Variants in ARG1 observed in about 807,000 individuals in gnomAD.
ARG1 encodes arginase-1.
In ARG1, 20 loss-of-function variants were observed where a neutral mutation model predicts 33.0. The ratio of observed to expected loss-of-function variants is 0.61; its 90% CI spans 0.43 to 0.88. ARG1 has a LOEUF of 0.88. Among genes scored for constraint, ARG1 ranks in the 40% least tolerant of loss-of-function variants. The pLI is 0.00. For synonymous variants in ARG1, 146 were observed against 140.6 expected, an observed-to-expected ratio of 1.04 and a Z score of -0.27; for missense variants, 374 against 384.7, an observed-to-expected ratio of 0.97 and a Z score of 0.23.
At chr6:131,580,367 A>G (rs1326745930) in intron 3 of ARG1, among the ~76,000 whole-genome samples, 1 of 152,216 alleles carries the variant, frequency 6.6e-6, no homozygotes, top group African/African-American at 2.4e-5. Context: ...TGAATAATCC[A>G]TACCTGAACG....
At chr6:131,576,963 A>G (rs1773643543) in intron 2 of ARG1, among the ~76,000 whole-genome samples, 2 of 152,084 alleles carry the variant, frequency 1.3e-5, no homozygotes, top group African/African-American at 4.8e-5. Flanking sequence ...CAGCCAAACT[A>G]CAGTATAAGA....
At position 131,581,244 on chromosome 6, in the gene ARG1, C is replaced by G. The variant is rs1320194930; in HGVS notation, c.331C>G (p.His111Asp). ...HSLAIGSISG[H>D]ARVHPDLGVI... ...TTTGGCAATTGGAAGCATCTCTGGCCATGCCAGGGTCCACCCTGATCTTGG... is the reference window on the plus strand; with the variant it reads ...TTTGGCAATTGGAAGCATCTCTGGCGATGCCAGGGTCCACCCTGATCTTGG... Residue 111 changes from histidine to aspartate, a missense_variant, in exon 4 of 8, where the codon CAT becomes GAT. Transcript: ENST00000368087. 6.2e-7 allele frequency: 1 copy of G among 1,613,852 alleles called. No homozygotes were observed.
In ARG1 at chr6:131,574,303, AC is replaced by A. The variant is rs1199944953; in HGVS notation, c.57+965del. 4 of 1,613,926 alleles carry A rather than the reference AC, an allele frequency of 2.5e-6. No individual in the cohort carries two copies. In the African/African-American group the frequency reaches 5.3e-5, roughly 22 times the overall value. Reference sequence around the variant, plus strand: ...GTGTACTCTGACTTTTTACTGCAAAACAAATTGAGAGAGGCCAGAGGTTAGA... The same window carrying A: ...GTGTACTCTGACTTTTTACTGCAAAAAAATTGAGAGAGGCCAGAGGTTAGA... On this transcript the variant is annotated intron_variant, in intron 1 of 7. Transcript: ENST00000368087.
intron 3 of ARG1, among the ~76,000 whole-genome samples, chr6:131,580,115 G>A (rs1006672424): frequency 6.6e-6 from 1 of 152,054 alleles, no homozygotes; most frequent in Non-Finnish European, 1.5e-5. Context: ...TTACTCCCAA[G>A]GCCTAGGATA....
rs764770439 is a variant in ARG1, at chr6:131,579,293, T to C, written c.305+8T>C. The C allele has an allele frequency of 1.9e-6, 3 of 1,613,820 alleles. No homozygotes were observed. Among genetic ancestry groups the C allele is most frequent in the Admixed American group, 1.7e-5 (1 of 59,996 alleles). On this transcript the variant is annotated splice_region_variant and intron_variant, in intron 3 of 7. Transcript: ENST00000368087. ...GCTGGGCGGAGACCACAGGTCTTGT[T>C]GAATAACTGTGTCTATGGGAATCTG... is the stretch of plus-strand genomic sequence containing the variant.
rs967511482 is a variant in ARG1, at chr6:131,584,015, A to C, written c.*107A>C. The C allele has an allele frequency of 9.1e-5, 119 of 1,312,974 alleles. 1 individual carries two copies. Among genetic ancestry groups the C allele is most frequent in the Admixed American group, 2.2e-5 (1 of 45,994 alleles). 81.3% of individuals were successfully genotyped at this position (1,312,974 alleles called of 1,614,324 possible). ...TCTAAAGACTTGTTCTTTCAGAAAAATGTTTTTCCAATTAGTATAAACTCT... is the reference window on the plus strand; with the variant it reads ...TCTAAAGACTTGTTCTTTCAGAAAACTGTTTTTCCAATTAGTATAAACTCT... On this transcript the variant is annotated 3_prime_UTR_variant, in exon 8 of 8. Transcript: ENST00000368087.
chr6:131,582,250 C>T (rs975408807), intron 4 of ARG1, among the ~76,000 whole-genome samples: 6 of 152,148 alleles, frequency 3.9e-5, no homozygotes, highest in Non-Finnish European at 8.8e-5. Context: ...AACCAAAGGA[C>T]AGGCCACAAA....
intron 1 of ARG1, among the ~76,000 whole-genome samples, chr6:131,574,854 C>G (rs1166506473): frequency 6.6e-6 from 1 of 152,094 alleles, no homozygotes; most frequent in Admixed American, 6.6e-5. Flanking sequence ...TAAAAAAAAG[C>G]CCAGAGAGGT....
rs1585430178 is a variant in ARG1, at chr6:131,583,817, T to C, written c.878T>C (p.Val293Ala). The C allele has an allele frequency of 6.2e-7, 1 of 1,614,126 alleles. No individual in the cohort carries two copies. The highest frequency in any genetic ancestry group is 1.7e-5 in the Admixed American group (1 of 60,026). ...ACACCAGAAGAAGTAACTCGAACAGTGAACACAGCAGTTGCAATAACCTTG... is the reference window on the plus strand; with the variant it reads ...ACACCAGAAGAAGTAACTCGAACAGCGAACACAGCAGTTGCAATAACCTTG... ...GKTPEEVTRTVNTAVAITLAC... is the reference protein window; with the variant it reads ...GKTPEEVTRTANTAVAITLAC... Residue 293 changes from valine (V) to alanine (A), a missense_variant, in exon 8 of 8, where the codon GTG becomes GCG. Val to Ala is a moderately conservative substitution (Grantham distance 64). Coordinates refer to ENST00000368087, the MANE Select transcript of ARG1 (RefSeq NM_000045.4).
intron 2 of ARG1, among the ~76,000 whole-genome samples, chr6:131,578,095 A>T (rs1585407645): frequency 6.6e-6 from 1 of 151,970 alleles, no homozygotes; most frequent in African/African-American, 2.4e-5. Context: ...AATTACCTCT[A>T]AAGGGGCAGG....
intron 3 of ARG1, 109 bp downstream of exon 3, chr6:131,579,394 T>G: frequency 7.7e-7 from 1 of 1,296,350 alleles, no homozygotes; most frequent in Middle Eastern, 2.6e-4. Flanking sequence ...GACCTATATT[T>G]TATATCAAAT....
In ARG1 at chr6:131,581,177, C is replaced by T. The variant is rs749859983; in HGVS notation, c.306-42C>T. 1.2e-5 allele frequency: 19 copies of T among 1,600,194 alleles called. No homozygotes were observed. In the African/African-American group the frequency reaches 1.7e-4, roughly 15 times the overall value. Reference sequence around the variant, plus strand: ...GTGAATAATATGATGTATGTAGTGACACTGCAAACCTGATGTTCACACAAA... The same window carrying T: ...GTGAATAATATGATGTATGTAGTGATACTGCAAACCTGATGTTCACACAAA... On this transcript the variant is annotated intron_variant, in intron 3 of 7. Transcript: ENST00000368087.
chr6:131,576,356 C>T (rs376050897), intron 1 of ARG1, among the ~76,000 whole-genome samples: 3 of 152,094 alleles, frequency 2.0e-5, no homozygotes, highest in African/African-American at 4.8e-5. Flanking sequence ...CATGGTTTGA[C>T]GGGAAGAGGG....
At chr6:131,573,392 A>G (rs1410898507) in intron 1 of ARG1, 53 bp downstream of exon 1, 22 of 1,582,772 alleles carry the variant, frequency 1.4e-5, no homozygotes, top group Non-Finnish European at 1.9e-5. Context: ...AAAATTTTGG[A>G]CTTCAAAATT....
At chr6:131,578,985 C>T (rs147240575) in intron 2 of ARG1, 126 bp from the exon 3 acceptor site, 36 of 1,096,506 alleles carry the variant, frequency 3.3e-5, no homozygotes, top group Non-Finnish European at 4.7e-5. Flanking sequence ...GATTTACAGA[C>T]CTTTCAGGTT....
chr6:131,579,405 T>G, intron 3 of ARG1, 120 bp downstream of exon 3: 3 of 1,238,308 alleles, frequency 2.4e-6, no homozygotes, highest in Non-Finnish European at 3.3e-6. Flanking sequence ...TATATCAAAT[T>G]TTCTGCCTTT....
chr6:131,582,668 C>T lies in ARG1; in HGVS notation c.513C>T (p.Ala171=), dbSNP rs1171036648. ...CCTGGGTGACTCCCTGTATATCTGC[C>T]AAGGATATTGTGTATATTGGCTTGA... ...GFSWVTPCIS[A]KDIVYIGLRD... is the part of the protein sequence containing the mutation. The change falls in exon 5 of 8, where the codon GCC becomes GCT. Residue 171 remains alanine, a synonymous_variant. Coordinates refer to ENST00000368087, the MANE Select transcript of ARG1 (RefSeq NM_000045.4). 1 of 1,613,794 alleles carries T rather than the reference C, an allele frequency of 6.2e-7. No individual in the cohort carries two copies. The highest frequency in any genetic ancestry group is 1.1e-5 in the South Asian group (1 of 91,080).
At chr6:131,576,845 G>A (rs1026944731) in intron 2 of ARG1, 110 bp downstream of exon 2, 17 of 981,892 alleles carry the variant, frequency 1.7e-5, no homozygotes, top group Non-Finnish European at 2.6e-5. Context: ...CAGAATTGCG[G>A]TACTGGTTAC....
rs913575060 is a variant in ARG1, at chr6:131,581,281, T to C, written c.368T>C (p.Val123Ala). The change falls in exon 4 of 8, where the codon GTG becomes GCG. Residue 123 changes from valine (V) to alanine (A), a missense_variant. Transcript: ENST00000368087. ...CACCCTGATCTTGGAGTCATCTGGG[T>C]GGATGCTCACACTGATATCAACACT... is the stretch of plus-strand genomic sequence containing the variant. ...RVHPDLGVIW[V>A]DAHTDINTPL... is the part of the protein sequence containing the mutation. 1.2e-6 allele frequency: 2 copies of C among 1,613,892 alleles called. No individual in the cohort carries two copies. The highest frequency in any genetic ancestry group is 1.7e-6 in the Non-Finnish European group (2 of 1,179,832).
Sources: gnomAD v4.1 joint callset for allele counts (sites outside exome capture counted in the v4.1 genomes callset) on GRCh38, gnomAD v4.1.1 for gene constraint, MANE v1.5 for transcripts, NCBI Gene and HGNC (gene_info 2026-07-23, HGNC 2026-07-21) for gene names.